STYXL2: variants seen among roughly 807,000 people sequenced by gnomAD.
STYXL2 encodes serine/threonine/tyrosine-interacting-like protein 2.
A neutral mutation model predicts 52.4 loss-of-function variants in STYXL2; 44 were observed. The ratio of observed to expected loss-of-function variants is 0.84; its 90% CI spans 0.66 to 1.08. The LOEUF (loss-of-function observed/expected upper bound fraction) is 1.08, where lower values mean the gene tolerates loss of function less well. Among genes scored for constraint, STYXL2 ranks in the 50% least tolerant of loss-of-function variants. The probability of loss-of-function intolerance (pLI) is 0.00; values close to 1 mark genes in which losing one functional copy is unlikely to be tolerated. For missense variants in STYXL2, 1,604 were observed against 1,471.7 expected (o/e 1.09, Z -1.47); for synonymous variants, 604 against 586.9 (o/e 1.03, Z -0.42).
At chr1:167,113,389 G>A (rs781574006) in intron 2 of STYXL2, among the ~76,000 whole-genome samples, 9 of 152,130 alleles carry the variant, frequency 5.9e-5, no homozygotes, top group African/African-American at 1.7e-4. Flanking sequence ...AATGAGCAGC[G>A]GGACATCCAA....
chr1:167,108,740 A>G lies in STYXL2; in HGVS notation c.111-4970A>G, dbSNP rs189898699. On this transcript the variant is annotated intron_variant, in intron 2 of 5. Transcript: ENST00000361200. ...ACTCACATCATGAACCTTTGCTCCA[A>G]GAACTACCACAGGAACATACCAGGA... 7.2e-5 allele frequency among the ~76,000 whole-genome samples: 11 copies of G among 152,330 alleles called. No individual in the cohort carries two copies. In the East Asian group the frequency reaches 1.9e-3, roughly 27 times the overall value.
chr1:167,099,506 C>T (rs920015080), intron 2 of STYXL2, among the ~76,000 whole-genome samples: 2 of 152,110 alleles, frequency 1.3e-5, no homozygotes, highest in Admixed American at 6.5e-5. Context: ...GTTATCTGAA[C>T]ATAGAAGAAT....
At chr1:167,111,146 G>C (rs1667608526) in intron 2 of STYXL2, among the ~76,000 whole-genome samples, 1 of 152,072 alleles carries the variant, frequency 6.6e-6, no homozygotes, top group South Asian at 2.1e-4. Context: ...GTGTTCCTGA[G>C]AAAGAAGAGA....
At chr1:167,115,845 G>A (rs180715957) in intron 3 of STYXL2, among the ~76,000 whole-genome samples, 2 of 152,264 alleles carry the variant, frequency 1.3e-5, no homozygotes, top group Non-Finnish European at 2.9e-5. Flanking sequence ...GGGATGTGGG[G>A]GTCCCTCAGG....
chr1:167,101,003 A>C (rs1667393119), intron 2 of STYXL2, among the ~76,000 whole-genome samples: 1 of 152,242 alleles, frequency 6.6e-6, no homozygotes, highest in African/African-American at 2.4e-5. Context: ...CAGATGAATG[A>C]GTCTACAGTG....
rs780478620 is a variant in STYXL2, at chr1:167,119,222, C to A, written c.438-27C>A. ...CACACCTTTCTAGTTCCGACTCTTG[C>A]AAACAGGTCCCTGCCTCTTCCCGCA... On this transcript the variant is annotated intron_variant, in intron 4 of 5. Transcript: ENST00000361200. The A allele has an allele frequency of 4.3e-6, 7 of 1,609,596 alleles. No individual in the cohort carries two copies. The African/African-American group carries it at 8.0e-5, about 18-fold the overall frequency.
At chr1:167,122,199 C>T (rs914337077) in intron 5 of STYXL2, among the ~76,000 whole-genome samples, 1 of 151,980 alleles carries the variant, frequency 6.6e-6, no homozygotes, top group South Asian at 2.1e-4. Flanking sequence ...CCATCTCAAA[C>T]TCCTTCACAA....
At position 167,128,741 on chromosome 1, in the gene STYXL2, G is replaced by A; in HGVS notation, c.*133G>A. ...CAGAGGGGCAGAGCCAAAATGAGAG[G>A]TACCAAGCATAAGGGCAGCAGAGGT... On this transcript the variant is annotated 3_prime_UTR_variant, in exon 6 of 6. Coordinates refer to ENST00000361200, the MANE Select transcript of STYXL2 (RefSeq NM_001080426.3). 1 of 1,403,520 alleles carries A rather than the reference G, an allele frequency of 7.1e-7. No individual in the cohort carries two copies. Among genetic ancestry groups the A allele is most frequent in the South Asian group, 1.5e-5 (1 of 64,966 alleles). The allele number at this position is 1,403,520 out of a possible 1,614,324, so 86.9% of individuals were successfully genotyped here. A position where few individuals can be genotyped will look rare whatever the true frequency, so the allele number is the denominator to read the frequency against.
chr1:167,128,562 G>T lies in STYXL2; in HGVS notation c.3431G>T (p.Arg1144Leu), dbSNP rs138265375. Residue 1144 changes from arginine to leucine, a missense_variant, in exon 6 of 6, where the codon CGG becomes CTG. By Grantham distance (102) the Arg-to-Leu change is moderately radical. Coordinates refer to ENST00000361200, the MANE Select transcript of STYXL2 (RefSeq NM_001080426.3). ...GCCATCATTGCTGCTTGGAGACGCC[G>T]GCAAGAAGAAACCAGGACCAAGCTG... ...DEAIIAAWRR[R>L]QEETRTKLQK... 3.1e-6 allele frequency: 5 copies of T among 1,613,572 alleles called. No individual in the cohort carries two copies. Among genetic ancestry groups the T allele is most frequent in the Non-Finnish European group, 3.4e-6 (4 of 1,179,940 alleles).
At chr1:167,125,709 C>T (rs1307840974) in intron 5 of STYXL2, 78 bp from the exon 6 acceptor site, 5 of 1,488,058 alleles carry the variant, frequency 3.4e-6, no homozygotes, top group Non-Finnish European at 4.4e-6. Context: ...ACAGCACTTA[C>T]CAAAGAAAAC....
At chr1:167,094,791 G>A (rs1236661435) in intron 1 of STYXL2, 43 bp from the exon 2 acceptor site, 37 of 1,403,446 alleles carry the variant, frequency 2.6e-5, no homozygotes, top group Non-Finnish European at 3.6e-5. Context: ...CAAAACCTCA[G>A]GAACCTAATT....
intron 5 of STYXL2, among the ~76,000 whole-genome samples, chr1:167,125,088 C>T (rs1164682962): frequency 2.0e-5 from 3 of 152,038 alleles, no homozygotes; most frequent in African/African-American, 4.8e-5. Flanking sequence ...ATATATATTT[C>T]GGGAAGAATA....
At chr1:167,096,824 C>T (rs1261681735) in intron 2 of STYXL2, among the ~76,000 whole-genome samples, 1 of 152,110 alleles carries the variant, frequency 6.6e-6, no homozygotes, top group East Asian at 1.9e-4. Context: ...TTTTTCCCCA[C>T]CTATAGAACA....
At position 167,127,217 on chromosome 1, in the gene STYXL2, G is replaced by A; in HGVS notation, c.2086G>A (p.Ala696Thr). The A allele has an allele frequency of 6.2e-7, 1 of 1,614,184 alleles. No individual in the cohort carries two copies. Among genetic ancestry groups the A allele is most frequent in the South Asian group, 1.1e-5 (1 of 91,090 alleles). Residue 696 changes from alanine (A) to threonine (T), a missense_variant, in exon 6 of 6, where the codon GCG becomes ACG. Physicochemically the swap from Ala to Thr is moderately conservative, Grantham distance 58. Transcript: ENST00000361200. The part of the protein sequence containing the change: ...SHLSQAASNI[A>T]GCSTSNPTTP... ...CCTGTCTCAGGCTGCAAGCAACATA[G>A]CGGGGTGTTCAACCTCCAACCCCAC... is the stretch of plus-strand genomic sequence containing the variant.
intron 2 of STYXL2, among the ~76,000 whole-genome samples, chr1:167,100,409 T>G (rs1259952055): frequency 6.6e-6 from 1 of 152,182 alleles, no homozygotes; most frequent in South Asian, 2.1e-4. Flanking sequence ...TTGGGGTGAT[T>G]GAGCTTCTCA....
chr1:167,108,484 A>G (rs908162790), intron 2 of STYXL2, among the ~76,000 whole-genome samples: 3 of 152,216 alleles, frequency 2.0e-5, no homozygotes, highest in African/African-American at 7.2e-5. Context: ...TCTTTTCGTC[A>G]CAGAAAATGC....
At chr1:167,104,797 G>T (rs1667477481) in intron 2 of STYXL2, among the ~76,000 whole-genome samples, 1 of 152,124 alleles carries the variant, frequency 6.6e-6, no homozygotes, top group South Asian at 2.1e-4. Flanking sequence ...AATCAAGAAA[G>T]ACACCTCCTC....
chr1:167,107,458 C>A (rs78569603), intron 2 of STYXL2, among the ~76,000 whole-genome samples: 30,481 of 152,096 alleles, frequency 0.2, 3,245 homozygotes, highest in Middle Eastern at 0.25. Flanking sequence ...TATTGTATAC[C>A]TCTTGGCCTC....
At position 167,126,507 on chromosome 1, in the gene STYXL2, GC is replaced by G. The variant is rs1667971841; in HGVS notation, c.1379del (p.Pro460ArgfsTer117). ...WVLKQQLELN[R>X]PDHGRRRRAD... The stretch of plus-strand genomic sequence containing the variant: ...CTGAAGCAGCAGCTGGAGCTGAACC[GC>G]CCGGACCACGGCAGGAGGCGCCGCG... On this transcript the variant is annotated frameshift_variant, in exon 6 of 6. Coordinates refer to ENST00000361200, the MANE Select transcript of STYXL2 (RefSeq NM_001080426.3). LOFTEE classifies it low-confidence loss of function (END_TRUNC). 6.2e-7 allele frequency: 1 copy of G among 1,611,754 alleles called. No homozygotes were observed. Among genetic ancestry groups the G allele is most frequent in the African/African-American group, 1.3e-5 (1 of 74,984 alleles).
Sources: gnomAD v4.1 joint callset for allele counts (sites outside exome capture counted in the v4.1 genomes callset) on GRCh38, gnomAD v4.1.1 for gene constraint, MANE v1.5 for transcripts, NCBI Gene and HGNC (gene_info 2026-07-23, HGNC 2026-07-21) for gene names.